The following CSMD1 variants were observed in gnomAD, a reference collection of about 807,000 sequenced individuals.
CSMD1 encodes the protein CUB and Sushi multiple domains 1, also known as CUB and sushi domain-containing protein 1.
A neutral mutation model predicts 417.5 loss-of-function variants in CSMD1; 213 were observed. The ratio of observed to expected loss-of-function variants is 0.51; its 90% CI spans 0.46 to 0.57. The LOEUF (loss-of-function observed/expected upper bound fraction) is 0.57. CSMD1 is among the 20% of genes least tolerant of loss of function. The probability of loss-of-function intolerance (pLI) is 0.00; values close to 1 mark genes in which losing one functional copy is unlikely to be tolerated. For missense variants in CSMD1, 6,923 were observed against 4,529.7 expected, an observed-to-expected ratio of 1.53 and a Z score of -15.17; for synonymous variants, 2,862 against 1,736.8, an observed-to-expected ratio of 1.65 and a Z score of -16.11.
At chr8:3,057,782 T>G (rs1355061710) in intron 49 of CSMD1, among the ~76,000 whole-genome samples, 1 of 152,220 alleles carries the variant, frequency 6.6e-6, no homozygotes, top group Non-Finnish European at 1.5e-5. Context: ...CCCGGACTAT[T>G]GTGATTATGT....
chr8:3,007,664 C>T (rs576498407), intron 52 of CSMD1, among the ~76,000 whole-genome samples: 2,578 of 150,134 alleles, frequency 0.017, 68 homozygotes, highest in African/African-American at 0.059. Flanking sequence ...AGTAAACTAT[C>T]GCAAGAACAA....
intron 6 of CSMD1, among the ~76,000 whole-genome samples, chr8:3,712,274 T>C (rs1801558469): frequency 6.6e-6 from 1 of 152,096 alleles, no homozygotes; most frequent in Admixed American, 6.5e-5. Context: ...CCACACGTTT[T>C]TTGGGTTCTC....
intron 2 of CSMD1, among the ~76,000 whole-genome samples, chr8:4,570,363 GA>G (rs1798825180): frequency 6.6e-6 from 1 of 152,030 alleles, no homozygotes; most frequent in African/African-American, 2.4e-5. Context: ...GAATTTTATC[GA>G]AGGCCCTGTC....
At chr8:4,332,580 C>G (rs992536176) in intron 3 of CSMD1, among the ~76,000 whole-genome samples, 3 of 142,844 alleles carry the variant, frequency 2.1e-5, no homozygotes, top group African/African-American at 3.0e-5. Context: ...CACACACACA[C>G]ACACACACAC....
chr8:3,242,010 A>G (rs1217088684), intron 26 of CSMD1, among the ~76,000 whole-genome samples: 1 of 77,982 alleles, frequency 1.3e-5, no homozygotes, highest in African/African-American at 3.9e-5. Flanking sequence ...AAAGCGTCTC[A>G]GGTTTGCTGC....
intron 2 of CSMD1, among the ~76,000 whole-genome samples, chr8:4,454,852 A>T (rs1799374396): frequency 6.6e-6 from 1 of 152,222 alleles, no homozygotes; most frequent in Admixed American, 6.5e-5. Context: ...TCCACAGTTT[A>T]GTTTTAAAGA....
At chr8:4,947,977 A>T (rs559964306) in intron 1 of CSMD1, among the ~76,000 whole-genome samples, 5 of 152,146 alleles carry the variant, frequency 3.3e-5, no homozygotes, top group Admixed American at 2.6e-4. Flanking sequence ...AGATATCCAT[A>T]AAAAAATCTG....
chr8:3,682,478 A>C (rs1478023343), intron 7 of CSMD1, among the ~76,000 whole-genome samples: 4 of 152,216 alleles, frequency 2.6e-5, no homozygotes, highest in Non-Finnish European at 5.9e-5. Context: ...AATGCAAATC[A>C]CAACCACAAT....
chr8:3,051,445 G>A (rs1811809148), intron 50 of CSMD1, among the ~76,000 whole-genome samples: 1 of 152,184 alleles, frequency 6.6e-6, no homozygotes, highest in African/African-American at 2.4e-5. Flanking sequence ...GCCTATGGGA[G>A]GGTGGAGGGT....
chr8:3,742,367 G>A (rs974831868), intron 6 of CSMD1, among the ~76,000 whole-genome samples: 10 of 152,028 alleles, frequency 6.6e-5, no homozygotes, highest in Non-Finnish European at 1.5e-4. Flanking sequence ...AATCTGACCC[G>A]AATATTTTTC....
intron 1 of CSMD1, among the ~76,000 whole-genome samples, chr8:4,717,693 C>A (rs935924601): frequency 6.6e-6 from 1 of 151,872 alleles, no homozygotes; most frequent in Admixed American, 6.6e-5. Context: ...TCCGAAGAGG[C>A]TGGGTAACCA....
intron 5 of CSMD1, among the ~76,000 whole-genome samples, chr8:3,913,014 T>A (rs1048834130): frequency 6.6e-6 from 1 of 152,068 alleles, no homozygotes; most frequent in African/African-American, 2.4e-5. Flanking sequence ...GTGACTATAA[T>A]GAGCTAAGGC....
At chr8:3,514,215 C>G (rs1446094244) in intron 10 of CSMD1, among the ~76,000 whole-genome samples, 1 of 152,138 alleles carries the variant, frequency 6.6e-6, no homozygotes, top group Non-Finnish European at 1.5e-5. Context: ...GTAAAGGATA[C>G]TAAATAAGAC....
intron 3 of CSMD1, among the ~76,000 whole-genome samples, chr8:4,275,011 A>C (rs565226610): frequency 2.0e-5 from 3 of 152,186 alleles, no homozygotes; most frequent in African/African-American, 4.8e-5. Context: ...ATAAATAGTT[A>C]ATACATTTTT....
intron 1 of CSMD1, among the ~76,000 whole-genome samples, chr8:4,841,934 A>AAG (rs1563561317): frequency 4.8e-5 from 7 of 145,546 alleles, no homozygotes; most frequent in African/African-American, 1.8e-4. Context: ...AAAAAAAAAA[A>AAG]AAAAGTTCAG....
intron 3 of CSMD1, among the ~76,000 whole-genome samples, chr8:4,085,522 C>G (rs1253268304): frequency 1.3e-5 from 2 of 152,046 alleles, no homozygotes; most frequent in Non-Finnish European, 2.9e-5. Context: ...AAATTTTATC[C>G]TATCCGTTCT....
intron 10 of CSMD1, among the ~76,000 whole-genome samples, chr8:3,498,517 C>A (rs1027161600): frequency 2.0e-5 from 3 of 152,148 alleles, no homozygotes; most frequent in African/African-American, 4.8e-5. Context: ...GATCTTTGAG[C>A]TTCCTGGATC....
Position 3,795,980 on chromosome 8 carries a change from C to T in CSMD1, c.819-41938G>A, listed in dbSNP as rs1372679520. ...TACAGATATAGATATCTATCATGTA[C>T]AGATATAGATATATATCTATCATGT... On this transcript the variant is annotated intron_variant, in intron 5 of 69. Transcript: ENST00000635120. Among the ~76,000 whole-genome samples, 26 of 51,644 alleles carry T rather than the reference C, an allele frequency of 5.0e-4. 8 individuals are homozygous for T. Among genetic ancestry groups the T allele is most frequent in the Non-Finnish European group, 8.9e-4 (20 of 22,558 alleles). 33.9% of individuals were successfully genotyped at this position (51,644 alleles called of 152,430 possible). A position where few individuals can be genotyped will look rare whatever the true frequency, so the allele number is the denominator to read the frequency against.
intron 1 of CSMD1, among the ~76,000 whole-genome samples, chr8:4,945,444 C>G (rs1330373006): frequency 6.6e-6 from 1 of 151,312 alleles, no homozygotes; most frequent in Non-Finnish European, 1.5e-5. Context: ...AAATACATCC[C>G]AGCATTTTGG....
Sources: gnomAD v4.1 joint callset for allele counts (sites outside exome capture counted in the v4.1 genomes callset) on GRCh38, gnomAD v4.1.1 for gene constraint, MANE v1.5 for transcripts, NCBI Gene and HGNC (gene_info 2026-07-23, HGNC 2026-07-21) for gene names.